The following RGS17 variants were observed in gnomAD, a reference collection of about 807,000 sequenced individuals.
The protein encoded by RGS17 is regulator of G protein signaling 17, also known as regulator of G-protein signaling 17.
Under a neutral mutation model 25.5 loss-of-function variants are expected in RGS17, and 12 were observed. That is an observed-to-expected ratio of 0.47 (90% CI 0.30 to 0.76). The LOEUF is 0.76. Among genes scored for constraint, RGS17 ranks in the 30% least tolerant of loss-of-function variants. RGS17 has a pLI of 0.07. For synonymous variants in RGS17, 71 were observed against 76.9 expected, an observed-to-expected ratio of 0.92 and a Z score of 0.40; for missense variants, 196 against 242.2, an observed-to-expected ratio of 0.81 and a Z score of 1.27.
At chr6:153,077,882 T>A (rs1776907573) in intron 1 of RGS17, among the ~76,000 whole-genome samples, 1 of 151,032 alleles carries the variant, frequency 6.6e-6, no homozygotes, top group African/African-American at 2.4e-5. Context: ...CTTTTTTATT[T>A]TTTTTTTTTG....
chr6:153,118,652 T>C (rs1777576987), intron 1 of RGS17, among the ~76,000 whole-genome samples: 3 of 152,244 alleles, frequency 2.0e-5, no homozygotes. Context: ...ATCTTTATTT[T>C]GTTTTTACTG....
chr6:153,024,549 G>A lies in RGS17; in HGVS notation c.210-53C>T, dbSNP rs911112564. On this transcript the variant is annotated intron_variant, in intron 3 of 4. Transcript: ENST00000206262. Reference sequence around the variant, plus strand: ...AAAGGGAACTTTGTGACCAGTGAATGCTAGACCAGGTAAGGAGAGGAGCAG... The same window carrying A: ...AAAGGGAACTTTGTGACCAGTGAATACTAGACCAGGTAAGGAGAGGAGCAG... 3.1e-6 allele frequency: 4 copies of A among 1,289,756 alleles called. No homozygotes were observed. The Admixed American group carries it at 7.0e-5, about 22-fold the overall frequency. 79.9% of individuals were successfully genotyped at this position (1,289,756 alleles called of 1,614,324 possible).
In RGS17 at chr6:153,005,993, C is replaced by T. The variant is rs1010892729; in HGVS notation, c.*5581G>A. On this transcript the variant is annotated 3_prime_UTR_variant, in exon 5 of 5. Coordinates refer to ENST00000206262, the MANE Select transcript of RGS17 (RefSeq NM_012419.5). ...ACTCTAAAATAAAAGGTTTAATGGA[C>T]ACATTACTATTTTAAATTTTATACA... 2 of 152,048 alleles carry T rather than the reference C, an allele frequency of 1.3e-5. No homozygotes were observed. Among genetic ancestry groups the T allele is most frequent in the African/African-American group, 4.8e-5 (2 of 41,390 alleles). The allele number at this position is 152,048 out of a possible 1,614,324, so 9.4% of individuals were successfully genotyped here.
intron 1 of RGS17, among the ~76,000 whole-genome samples, chr6:153,122,804 A>G (rs1270035762): frequency 6.6e-6 from 1 of 151,972 alleles, no homozygotes; most frequent in East Asian, 1.9e-4. Flanking sequence ...TTTCTCCTCA[A>G]TTTATCTATT....
chr6:153,097,152 A>G (rs1777225206), intron 1 of RGS17, among the ~76,000 whole-genome samples: 1 of 152,160 alleles, frequency 6.6e-6, no homozygotes, highest in South Asian at 2.1e-4. Context: ...CAATTATCAA[A>G]TATTTCTTAT....
rs570608654 is a variant in RGS17 at position 153,103,740 on chromosome 6, A to C, written c.-26+27384T>G. Among the ~76,000 whole-genome samples, 14 of 152,364 alleles carry C rather than the reference A, an allele frequency of 9.2e-5. No homozygotes were observed. The East Asian group carries it at 2.5e-3, about 27-fold the overall frequency. On this transcript the variant is annotated intron_variant, in intron 1 of 4. Transcript: ENST00000206262. ...TTCTTTTCTTTTGGGTAAAATCAGG[A>C]AACAAATTTTAAAGACAATCCACAA... is the stretch of plus-strand genomic sequence containing the variant.
chr6:153,024,508 G>C lies in RGS17; in HGVS notation c.210-12C>G, dbSNP rs1779278855. The C allele has an allele frequency of 2.5e-6, 4 of 1,588,094 alleles. No homozygotes were observed. The highest frequency in any genetic ancestry group is 3.5e-6 in the Non-Finnish European group (4 of 1,156,812). On this transcript the variant is annotated splice_polypyrimidine_tract_variant and intron_variant, in intron 3 of 4. Transcript: ENST00000206262. ...CAGTGGGGTTTTGGCTGCAGAGACA[G>C]AACGGGGCCGTGATCAAAGGGAACT...
At chr6:153,077,236 T>C (rs1776896265) in intron 1 of RGS17, among the ~76,000 whole-genome samples, 1 of 152,152 alleles carries the variant, frequency 6.6e-6, no homozygotes, top group African/African-American at 2.4e-5. Context: ...ATATCAAACA[T>C]GGGAATTTCT....
intron 1 of RGS17, among the ~76,000 whole-genome samples, chr6:153,086,256 T>C (rs556948212): frequency 6.6e-6 from 1 of 152,320 alleles, no homozygotes; most frequent in East Asian, 1.9e-4. Context: ...TAATGATAAA[T>C]TTTGATGTAG....
rs1779112726 is a variant in RGS17, at chr6:153,009,747, T to C, written c.*1827A>G. 6.6e-6 allele frequency: 1 copy of C among 151,968 alleles called. No homozygotes were observed. Among genetic ancestry groups the C allele is most frequent in the Non-Finnish European group, 1.5e-5 (1 of 67,836 alleles). The allele number at this position is 151,968 out of a possible 1,614,324, so 9.4% of individuals were successfully genotyped here. A position where few individuals can be genotyped will look rare whatever the true frequency, so the allele number is the denominator to read the frequency against. ...GGTAGGATAGTCAGCAACGCCAGTG[T>C]AAACAGAATATTTTGTTTTCTACTC... On this transcript the variant is annotated 3_prime_UTR_variant, in exon 5 of 5. Coordinates refer to ENST00000206262, the MANE Select transcript of RGS17 (RefSeq NM_012419.5).
intron 1 of RGS17, among the ~76,000 whole-genome samples, chr6:153,053,120 A>T (rs1460158678): frequency 6.6e-6 from 1 of 152,208 alleles, no homozygotes; most frequent in Non-Finnish European, 1.5e-5. Flanking sequence ...CTGAGCTAAG[A>T]CACAACCAAT....
intron 1 of RGS17, among the ~76,000 whole-genome samples, chr6:153,127,835 T>C (rs1032236462): frequency 6.6e-6 from 1 of 152,206 alleles, no homozygotes; most frequent in Non-Finnish European, 1.5e-5. Flanking sequence ...GTGTAAGTGC[T>C]GATTTTAAAA....
intron 4 of RGS17, among the ~76,000 whole-genome samples, chr6:153,014,774 G>C (rs1456219027): frequency 1.3e-5 from 2 of 151,180 alleles, no homozygotes; most frequent in Non-Finnish European, 2.9e-5. Context: ...CTCCAGACTG[G>C]GCTACAGAGT....
intron 1 of RGS17, among the ~76,000 whole-genome samples, chr6:153,100,086 T>C (rs1354455516): frequency 6.6e-6 from 1 of 152,180 alleles, no homozygotes; most frequent in African/African-American, 2.4e-5. Context: ...GAAGACTTAA[T>C]AAATAAAGAA....
intron 1 of RGS17, among the ~76,000 whole-genome samples, chr6:153,112,268 T>C (rs1006886833): frequency 1.3e-5 from 2 of 152,054 alleles, no homozygotes; most frequent in African/African-American, 2.4e-5. Context: ...ATGAGAACAT[T>C]GTGAAGCATA....
At chr6:153,119,750 C>T (rs186233240) in intron 1 of RGS17, among the ~76,000 whole-genome samples, 5 of 152,246 alleles carry the variant, frequency 3.3e-5, no homozygotes, top group East Asian at 1.9e-4. Flanking sequence ...GATACATGTC[C>T]GCTGATTCTA....
intron 1 of RGS17, among the ~76,000 whole-genome samples, chr6:153,125,581 C>CA (rs1317434241): frequency 6.6e-6 from 1 of 152,144 alleles, no homozygotes. Context: ...AAATTTTACA[C>CA]TTTCAGCTGG....
intron 1 of RGS17, among the ~76,000 whole-genome samples, chr6:153,118,363 C>T (rs1376066872): frequency 6.6e-6 from 1 of 152,208 alleles, no homozygotes; most frequent in Non-Finnish European, 1.5e-5. Flanking sequence ...TTCAGCAGAA[C>T]CACTGTTCAT....
At chr6:153,120,029 A>G (rs1562339410) in intron 1 of RGS17, among the ~76,000 whole-genome samples, 1 of 152,236 alleles carries the variant, frequency 6.6e-6, no homozygotes, top group Admixed American at 6.5e-5. Flanking sequence ...TTTGTTTTGT[A>G]AGTGAATTTC....
Sources: allele counts gnomAD v4.1 joint callset (sites outside exome capture counted in the v4.1 genomes callset), GRCh38; gene constraint gnomAD v4.1.1; transcripts MANE v1.5; gene names NCBI Gene and HGNC (gene_info 2026-07-23, HGNC 2026-07-21).